The following PTPRD variants were observed in gnomAD, a reference collection of about 807,000 sequenced individuals.
PTPRD encodes the protein receptor-type tyrosine-protein phosphatase delta.
A neutral mutation model predicts 214.5 loss-of-function variants in PTPRD; 34 were observed. The ratio of observed to expected loss-of-function variants is 0.16; its 90% CI spans 0.12 to 0.21. The LOEUF is 0.21. Ranked by LOEUF, PTPRD falls within the 10% of genes least tolerant of loss-of-function variation. The pLI, the probability that PTPRD is intolerant of heterozygous loss-of-function variation, is 1.00. For missense variants in PTPRD, 2,545 were observed against 2,398.7 expected (o/e 1.06, Z -1.27); for synonymous variants, 1,128 against 845.7 (o/e 1.33, Z -5.79).
intron 2 of PTPRD, among the ~76,000 whole-genome samples, chr9:10,437,619 G>A (rs539208158): frequency 1.2e-4 from 18 of 151,600 alleles, no homozygotes; most frequent in East Asian, 3.9e-4. Context: ...CAATATTTCC[G>A]TGTCTGTGTT....
Position 8,593,698 on chromosome 9 carries a change from G to C in PTPRD, c.352+39619C>G, listed in dbSNP as rs139898436. ...CGAGGCCATATCCTTAAGAGGAGTGGTAGATTTTCAATGAAAGAGCTGTTT... is the reference window on the plus strand; with the variant it reads ...CGAGGCCATATCCTTAAGAGGAGTGCTAGATTTTCAATGAAAGAGCTGTTT... On this transcript the variant is annotated intron_variant, in intron 14 of 45. Transcript: ENST00000381196. Among the ~76,000 whole-genome samples, 322 of 152,274 alleles carry C rather than the reference G, an allele frequency of 2.1e-3. 4 individuals are homozygous for C. Among genetic ancestry groups the C allele is most frequent in the Non-Finnish European group, 3.2e-3 (221 of 68,030 alleles).
chr9:9,648,655 C>T (rs958183895), intron 7 of PTPRD, among the ~76,000 whole-genome samples: 2 of 152,156 alleles, frequency 1.3e-5, no homozygotes, highest in African/African-American at 4.8e-5. Context: ...AGTTGTAGCA[C>T]AAAACCATAT....
At chr9:9,610,482 A>G (rs1462321564) in intron 7 of PTPRD, among the ~76,000 whole-genome samples, 1 of 152,232 alleles carries the variant, frequency 6.6e-6, no homozygotes, top group Non-Finnish European at 1.5e-5. Context: ...GCAAGGATTC[A>G]TATTTACACA....
chr9:8,480,237 T>C (rs1233504640), intron 30 of PTPRD, among the ~76,000 whole-genome samples: 1 of 152,134 alleles, frequency 6.6e-6, no homozygotes, highest in Non-Finnish European at 1.5e-5. Flanking sequence ...CTCTACACCA[T>C]CAGAGACGCT....
intron 11 of PTPRD, among the ~76,000 whole-genome samples, chr9:8,987,505 G>C (rs182737256): frequency 1.3e-5 from 2 of 152,262 alleles, no homozygotes; most frequent in East Asian, 3.9e-4. Context: ...AGAAGAGAAA[G>C]AAAAGTGCTG....
At chr9:9,261,633 TGCATGTGCATGCAC>T (rs1374113206) in intron 9 of PTPRD, among the ~76,000 whole-genome samples, 4 of 140,188 alleles carry the variant, frequency 2.9e-5, no homozygotes, top group Non-Finnish European at 6.2e-5. Flanking sequence ...TGTGCGTGTG[TGCATGTGCATGCAC>T]GTGTGTGTGT....
chr9:9,387,293 G>A (rs748308783), intron 9 of PTPRD, among the ~76,000 whole-genome samples: 10 of 152,162 alleles, frequency 6.6e-5, no homozygotes, highest in African/African-American at 1.9e-4. Context: ...GATTTGTTGA[G>A]AGAATTTCTA....
At position 9,683,656 on chromosome 9, in the gene PTPRD, C is replaced by A. The variant is rs79750538; in HGVS notation, c.-287+50877G>T. ...AGTAATAAGATTTATTGGCATGCTG[C>A]ATTTTAGTATTAGATTTTAATAATC... is the stretch of plus-strand genomic sequence containing the variant. On this transcript the variant is annotated intron_variant, in intron 7 of 45. Coordinates refer to ENST00000381196, the MANE Select transcript of PTPRD (RefSeq NM_002839.4). Among the ~76,000 whole-genome samples the A allele has an allele frequency of 3.3e-5, 5 of 151,470 alleles. No individual in the cohort carries two copies. In the East Asian group the frequency reaches 9.7e-4, roughly 29 times the overall value.
At chr9:8,873,148 G>C (rs1283816274) in intron 11 of PTPRD, among the ~76,000 whole-genome samples, 1 of 152,182 alleles carries the variant, frequency 6.6e-6, no homozygotes, top group Non-Finnish European at 1.5e-5. Context: ...TCGGCTCCTG[G>C]AGGGCAGGGA....
At chr9:9,540,409 C>A (rs181620482) in intron 8 of PTPRD, among the ~76,000 whole-genome samples, 28 of 151,850 alleles carry the variant, frequency 1.8e-4, no homozygotes, top group African/African-American at 6.8e-4. Context: ...CAGACAGCAG[C>A]CATCTTTACA....
chr9:9,795,548 C>A (rs1422102941), intron 5 of PTPRD, among the ~76,000 whole-genome samples: 1 of 152,006 alleles, frequency 6.6e-6, no homozygotes, highest in African/African-American at 2.4e-5. Context: ...ATCATTGATA[C>A]TTAGTCAAAA....
chr9:10,276,201 T>C (rs773933939), intron 3 of PTPRD, among the ~76,000 whole-genome samples: 28 of 152,322 alleles, frequency 1.8e-4, no homozygotes, highest in Middle Eastern at 3.4e-3. Context: ...GTTAAACATA[T>C]GAACAGGCCT....
At chr9:10,391,037 T>C (rs542962527) in intron 2 of PTPRD, among the ~76,000 whole-genome samples, 5 of 151,812 alleles carry the variant, frequency 3.3e-5, no homozygotes, top group Non-Finnish European at 7.4e-5. Context: ...AACTGTGCAG[T>C]GTCTCACTAA....
At chr9:9,866,007 T>C (rs960928629) in intron 5 of PTPRD, among the ~76,000 whole-genome samples, 4 of 152,192 alleles carry the variant, frequency 2.6e-5, no homozygotes, top group Non-Finnish European at 4.4e-5. Context: ...ATCTTCTTTG[T>C]TCCCTTCTCA....
At chr9:8,789,238 AG>A (rs2096124156) in intron 11 of PTPRD, among the ~76,000 whole-genome samples, 1 of 152,134 alleles carries the variant, frequency 6.6e-6, no homozygotes, top group Non-Finnish European at 1.5e-5. Flanking sequence ...TTGGCCCAAA[AG>A]TTCTCTCTTC....
chr9:8,345,958 T>C (rs576802747), intron 39 of PTPRD, among the ~76,000 whole-genome samples: 5 of 152,132 alleles, frequency 3.3e-5, no homozygotes, highest in Non-Finnish European at 7.4e-5. Context: ...TTTCTCTCAG[T>C]AGTAGTCTCC....
intron 5 of PTPRD, among the ~76,000 whole-genome samples, chr9:9,902,804 A>G (rs1416272562): frequency 2.6e-5 from 4 of 152,168 alleles, no homozygotes; most frequent in Non-Finnish European, 4.4e-5. Context: ...TCTTTCATTC[A>G]CAAACTTTTT....
At chr9:10,243,529 T>C (rs975415632) in intron 3 of PTPRD, among the ~76,000 whole-genome samples, 1 of 151,960 alleles carries the variant, frequency 6.6e-6, no homozygotes, top group African/African-American at 2.4e-5. Flanking sequence ...TAGGTCCTCT[T>C]AACTGATTTC....
At chr9:10,050,750 A>G (rs1302107320) in intron 3 of PTPRD, among the ~76,000 whole-genome samples, 1 of 151,910 alleles carries the variant, frequency 6.6e-6, no homozygotes, top group African/African-American at 2.4e-5. Context: ...CCAAATGTAT[A>G]TCCTTACCTT....
Sources: allele counts gnomAD v4.1 joint callset (sites outside exome capture counted in the v4.1 genomes callset), GRCh38; gene constraint gnomAD v4.1.1; transcripts MANE v1.5; gene names NCBI Gene and HGNC (gene_info 2026-07-23, HGNC 2026-07-21).